Variants in NLGN1 observed in about 807,000 individuals in gnomAD.
NLGN1 encodes neuroligin-1.
Under a neutral mutation model 65.5 loss-of-function variants are expected in NLGN1, and 12 were observed. The ratio of observed to expected loss-of-function variants is 0.18; its 90% CI spans 0.12 to 0.30. The LOEUF (loss-of-function observed/expected upper bound fraction) is 0.30, where lower values mean the gene tolerates loss of function less well. Among genes scored for constraint, NLGN1 ranks in the 10% least tolerant of loss-of-function variants. The pLI, the probability that NLGN1 is intolerant of heterozygous loss-of-function variation, is 1.00. For missense variants in NLGN1, 750 were observed against 1,007.1 expected (o/e 0.74, Z 3.46); for synonymous variants, 350 against 359.5 (o/e 0.97, Z 0.30).
At chr3:174,020,522 G>A (rs1466990115) in intron 4 of NLGN1, among the ~76,000 whole-genome samples, 3 of 152,024 alleles carry the variant, frequency 2.0e-5, no homozygotes, top group Non-Finnish European at 2.9e-5. Context: ...AGGTCTTGAT[G>A]TACTACTCTC....
chr3:173,415,752 A>AC (rs1226936740), intron 1 of NLGN1, among the ~76,000 whole-genome samples: 2 of 152,174 alleles, frequency 1.3e-5, no homozygotes, highest in East Asian at 3.9e-4. Flanking sequence ...TAGAGTCAGA[A>AC]ATTGGATGGA....
chr3:173,578,631 T>A (rs1396571471), intron 2 of NLGN1, among the ~76,000 whole-genome samples: 3 of 152,202 alleles, frequency 2.0e-5, no homozygotes, highest in Non-Finnish European at 4.4e-5. Context: ...TAATAGATGA[T>A]ATTTAATAAG....
chr3:174,168,770 C>A (rs1685994771), intron 4 of NLGN1, among the ~76,000 whole-genome samples: 1 of 152,146 alleles, frequency 6.6e-6, no homozygotes, highest in South Asian at 2.1e-4. Flanking sequence ...GGCACATCCA[C>A]CTGCAGGTTC....
At chr3:174,248,781 CT>C (rs1744264586) in intron 4 of NLGN1, among the ~76,000 whole-genome samples, 1 of 152,010 alleles carries the variant, frequency 6.6e-6, no homozygotes, top group South Asian at 2.1e-4. Flanking sequence ...AAATAAAAGA[CT>C]GTATGTTGGA....
intron 2 of NLGN1, among the ~76,000 whole-genome samples, chr3:173,538,376 T>A (rs924991841): frequency 6.6e-6 from 1 of 152,212 alleles, no homozygotes; most frequent in Admixed American, 6.6e-5. Context: ...CTGCTGCACT[T>A]CTTTTGCTGT....
intron 2 of NLGN1, among the ~76,000 whole-genome samples, chr3:173,543,715 G>T (rs374140558): frequency 1.3e-5 from 2 of 152,154 alleles, no homozygotes; most frequent in South Asian, 4.1e-4. Flanking sequence ...ATTTATATGT[G>T]CAATTTAAAT....
intron 3 of NLGN1, among the ~76,000 whole-genome samples, chr3:173,782,345 G>T (rs919318751): frequency 4.6e-5 from 7 of 152,160 alleles, no homozygotes; most frequent in African/African-American, 1.7e-4. Context: ...AAAGGCGCGG[G>T]TAATGTAAAT....
chr3:173,482,035 A>G (rs2148970261), intron 2 of NLGN1, among the ~76,000 whole-genome samples: 1 of 151,948 alleles, frequency 6.6e-6, no homozygotes, highest in African/African-American at 2.4e-5. Context: ...CACATAGGCA[A>G]TTTGTTTTTC....
chr3:173,563,253 A>C (rs1182276298), intron 2 of NLGN1, among the ~76,000 whole-genome samples: 5 of 152,278 alleles, frequency 3.3e-5, no homozygotes, highest in African/African-American at 1.2e-4. Flanking sequence ...GCTTGCTCAT[A>C]GTATTTTTAC....
At chr3:173,850,481 T>A (rs1173471579) in intron 4 of NLGN1, among the ~76,000 whole-genome samples, 2 of 152,160 alleles carry the variant, frequency 1.3e-5, no homozygotes, top group Non-Finnish European at 2.9e-5. Context: ...ACATTTAGCT[T>A]CTTCTAGTAC....
At position 173,629,860 on chromosome 3, in the gene NLGN1, A is replaced by G. The variant is rs376886210; in HGVS notation, c.493+24769A>G. On this transcript the variant is annotated intron_variant, in intron 3 of 6. Coordinates refer to ENST00000457714, the Ensembl canonical transcript of NLGN1. Reference sequence around the variant, plus strand: ...ACTTCAGAGTTTATCAGACTTGTACAATTTTCATTGAATATGCTTCTAAAA... The same window carrying G: ...ACTTCAGAGTTTATCAGACTTGTACGATTTTCATTGAATATGCTTCTAAAA... Among the ~76,000 whole-genome samples, 3 of 152,194 alleles carry G rather than the reference A, an allele frequency of 2.0e-5. No individual in the cohort carries two copies. In the East Asian group the frequency reaches 5.8e-4, roughly 29 times the overall value.
chr3:173,966,748 T>A (rs1046150424), intron 4 of NLGN1, among the ~76,000 whole-genome samples: 16 of 152,134 alleles, frequency 1.1e-4, no homozygotes, highest in Non-Finnish European at 2.2e-4. Context: ...ATAGACAAAA[T>A]TTTTTCTTAA....
chr3:174,093,595 T>G (rs769609963), intron 4 of NLGN1, among the ~76,000 whole-genome samples: 2 of 152,210 alleles, frequency 1.3e-5, no homozygotes, highest in Non-Finnish European at 2.9e-5. Flanking sequence ...ATGCTGTACA[T>G]TAGCCTATTT....
chr3:173,937,263 G>A (rs1745230883), intron 4 of NLGN1, among the ~76,000 whole-genome samples: 1 of 151,974 alleles, frequency 6.6e-6, no homozygotes. Context: ...AGCTGCATAG[G>A]TACTTTTTTT....
chr3:173,736,219 A>G (rs1773715720), intron 3 of NLGN1, among the ~76,000 whole-genome samples: 1 of 152,056 alleles, frequency 6.6e-6, no homozygotes, highest in African/African-American at 2.4e-5. Flanking sequence ...AATGCTTTCT[A>G]CCTACCTTCT....
intron 4 of NLGN1, among the ~76,000 whole-genome samples, chr3:173,939,229 C>T (rs114232247): frequency 1.7e-4 from 26 of 152,264 alleles, no homozygotes; most frequent in Non-Finnish European, 3.2e-4. Context: ...GTTTATCTAA[C>T]GGAGTTCTCC....
chr3:173,727,590 C>T (rs910545521), intron 3 of NLGN1, among the ~76,000 whole-genome samples: 5 of 152,096 alleles, frequency 3.3e-5, no homozygotes. Flanking sequence ...TTGGAATTCA[C>T]TCTAGCAAAA....
At chr3:174,091,178 A>T (rs1200129320) in intron 4 of NLGN1, among the ~76,000 whole-genome samples, 1 of 152,192 alleles carries the variant, frequency 6.6e-6, no homozygotes, top group Non-Finnish European at 1.5e-5. Flanking sequence ...GTTAATCTCT[A>T]ATCAGTCTGA....
At position 174,146,145 on chromosome 3, in the gene NLGN1, CT is replaced by C. The variant is rs1271106424; in HGVS notation, c.647-129168del. 3.4e-3 allele frequency among the ~76,000 whole-genome samples: 497 copies of C among 144,118 alleles called. 3 individuals carry two copies. The highest frequency in any genetic ancestry group is 0.012 in the African/African-American group (424 of 34,848). The allele number at this position is 144,118 out of a possible 152,430, so 94.5% of individuals were successfully genotyped here. A position where few individuals can be genotyped will look rare whatever the true frequency, so the allele number is the denominator to read the frequency against. ...CCTTCCTTCCTTCCTTCCTTCCTTC[CT>C]TCCTTCCTCTCTCCCTCCCTCCCTT... On this transcript the variant is annotated intron_variant, in intron 4 of 6. Transcript: ENST00000457714.
Sources: gnomAD v4.1 joint callset for allele counts (sites outside exome capture counted in the v4.1 genomes callset) on GRCh38, gnomAD v4.1.1 for gene constraint, MANE v1.5 for transcripts, NCBI Gene and HGNC (gene_info 2026-07-23, HGNC 2026-07-21) for gene names.